Variants in SPON1 observed in about 807,000 individuals in gnomAD.
SPON1 encodes spondin-1.
SPON1 carries 52 observed loss-of-function variants against 111.7 expected under a neutral mutation model. The observed-to-expected ratio is 0.47, with a 90% confidence interval of 0.37 to 0.59. SPON1 has a LOEUF of 0.59. Ranked by LOEUF, SPON1 falls within the 20% of genes least tolerant of loss-of-function variation. The probability of loss-of-function intolerance (pLI) is 0.00; values close to 1 mark genes in which losing one functional copy is unlikely to be tolerated. For synonymous variants in SPON1, 410 were observed against 395.8 expected, an observed-to-expected ratio of 1.04 and a Z score of -0.43; for missense variants, 957 against 1,068.5, an observed-to-expected ratio of 0.90 and a Z score of 1.46.
At chr11:14,164,226 T>G (rs1366676343) in intron 6 of SPON1, among the ~76,000 whole-genome samples, 5 of 152,180 alleles carry the variant, frequency 3.3e-5, no homozygotes, top group African/African-American at 1.2e-4. Context: ...TGGCAGAAAC[T>G]CACGGGAAGT....
chr11:14,002,546 G>A (rs1304920017), intron 2 of SPON1, among the ~76,000 whole-genome samples: 5 of 152,192 alleles, frequency 3.3e-5, no homozygotes, highest in African/African-American at 9.7e-5. Context: ...AGTGCAGGAG[G>A]AATGTGGTAG....
intron 5 of SPON1, among the ~76,000 whole-genome samples, chr11:14,099,323 T>C (rs1849125921): frequency 6.6e-6 from 1 of 152,258 alleles, no homozygotes; most frequent in African/African-American, 2.4e-5. Context: ...ATGCTGTTGG[T>C]AATTTACACA....
At chr11:14,091,367 G>A (rs1302212227) in intron 5 of SPON1, among the ~76,000 whole-genome samples, 3 of 152,356 alleles carry the variant, frequency 2.0e-5, no homozygotes, top group Admixed American at 6.5e-5. Context: ...ACTGGGCGCC[G>A]TGGAGCAGGG....
chr11:14,139,725 T>TATATATATATATATATATATATATA (rs1564913657), intron 6 of SPON1, among the ~76,000 whole-genome samples: 2 of 150,730 alleles, frequency 1.3e-5, no homozygotes, highest in African/African-American at 4.9e-5. Flanking sequence ...TATATATATA[T>TATATATATATATATATATATATATA]TTAAGTGAAA....
At chr11:14,234,860 T>C (rs1250631638) in intron 6 of SPON1, among the ~76,000 whole-genome samples, 1 of 152,266 alleles carries the variant, frequency 6.6e-6, no homozygotes, top group Non-Finnish European at 1.5e-5. Flanking sequence ...AAACGCATCA[T>C]CTTCTAGTGG....
intron 6 of SPON1, among the ~76,000 whole-genome samples, chr11:14,231,013 C>T (rs1270656553): frequency 6.6e-6 from 1 of 152,088 alleles, no homozygotes; most frequent in African/African-American, 2.4e-5. Flanking sequence ...AAGTCTCACT[C>T]TGTTGCCCAG....
At chr11:14,014,362 C>G (rs1554914072) in intron 2 of SPON1, among the ~76,000 whole-genome samples, 1 of 152,216 alleles carries the variant, frequency 6.6e-6, no homozygotes, top group Non-Finnish European at 1.5e-5. Context: ...TAGCATTTTA[C>G]AAGTCAGAAT....
At chr11:14,047,176 G>A (rs1482711485) in intron 3 of SPON1, among the ~76,000 whole-genome samples, 1 of 151,850 alleles carries the variant, frequency 6.6e-6, no homozygotes, top group East Asian at 1.9e-4. Context: ...TCTTTTTTAT[G>A]TTTTACTTTA....
rs73418490 is a variant in SPON1, at chr11:13,978,157, G to A, written c.239-4690G>A. On this transcript the variant is annotated intron_variant, in intron 1 of 15. Coordinates refer to ENST00000576479, the MANE Select transcript of SPON1 (RefSeq NM_006108.4). ...GTCCACTGGCTTAGTTTCTGTAGCT[G>A]TGTAAGTCTTGATATCTGGGAGTAT... Among the ~76,000 whole-genome samples the A allele has an allele frequency of 8.7e-3, 1,331 of 152,260 alleles. 17 individuals are homozygous for A. Among genetic ancestry groups the A allele is most frequent in the African/African-American group, 0.031 (1,296 of 41,544 alleles).
intron 5 of SPON1, among the ~76,000 whole-genome samples, chr11:14,121,574 G>C (rs1028758057): frequency 6.6e-6 from 1 of 152,160 alleles, no homozygotes; most frequent in South Asian, 2.1e-4. Flanking sequence ...AGCATTGATG[G>C]AAGATTTTTT....
chr11:14,035,043 G>C (rs113543400), intron 2 of SPON1, among the ~76,000 whole-genome samples: 1,609 of 152,314 alleles, frequency 0.011, 38 homozygotes, highest in African/African-American at 0.035. Flanking sequence ...CTGCAGAAGA[G>C]AGTCTAAGAA....
chr11:13,996,711 G>GTGTATATATATATATATATA (rs535844829), intron 2 of SPON1, among the ~76,000 whole-genome samples: 10 of 145,140 alleles, frequency 6.9e-5, no homozygotes, highest in African/African-American at 2.8e-4. Context: ...ACCTATGTGT[G>GTGTATATATATATATATATA]TATATATATA....
chr11:14,037,315 T>C (rs1554916757), intron 2 of SPON1, among the ~76,000 whole-genome samples: 1 of 152,002 alleles, frequency 6.6e-6, no homozygotes, highest in Non-Finnish European at 1.5e-5. Context: ...AGTAAGGAGA[T>C]AATTGTTAGA....
chr11:14,011,265 T>A (rs1848402539), intron 2 of SPON1, among the ~76,000 whole-genome samples: 2 of 152,208 alleles, frequency 1.3e-5, no homozygotes, highest in African/African-American at 4.8e-5. Flanking sequence ...ATTCAAATTT[T>A]AGCAAATTTT....
At chr11:14,070,995 G>A (rs1305065405) in intron 3 of SPON1, among the ~76,000 whole-genome samples, 1 of 152,102 alleles carries the variant, frequency 6.6e-6, no homozygotes, top group Non-Finnish European at 1.5e-5. Context: ...TCCTTAACAT[G>A]CTCTCTTATG....
In SPON1 at chr11:13,962,812, C is replaced by T; in HGVS notation, c.-93C>T. 2.5e-6 allele frequency: 3 copies of T among 1,209,770 alleles called. No homozygotes were observed. Among genetic ancestry groups the T allele is most frequent in the South Asian group, 1.7e-5 (1 of 57,188 alleles). 74.9% of individuals were successfully genotyped at this position (1,209,770 alleles called of 1,614,324 possible). A position where few individuals can be genotyped will look rare whatever the true frequency, so the allele number is the denominator to read the frequency against. ...CTCCGAGCTCCCTCTCTCCGCCGCG[C>T]CTCCGCCAGGTCGCGCCTTCGTCGG... On this transcript the variant is annotated 5_prime_UTR_variant, in exon 1 of 16. Transcript: ENST00000576479.
intron 1 of SPON1, among the ~76,000 whole-genome samples, chr11:13,969,402 G>A (rs2133773508): frequency 6.6e-6 from 1 of 152,114 alleles, no homozygotes; most frequent in South Asian, 2.1e-4. Context: ...GGGAAAAAGA[G>A]CAGAGGCAGG....
chr11:14,022,775 A>C (rs1342922783), intron 2 of SPON1, among the ~76,000 whole-genome samples: 1 of 152,248 alleles, frequency 6.6e-6, no homozygotes, highest in Non-Finnish European at 1.5e-5. Context: ...AGGGAAGAGA[A>C]GGCAATGTTT....
intron 3 of SPON1, among the ~76,000 whole-genome samples, chr11:14,069,104 T>C (rs1848855376): frequency 6.6e-6 from 1 of 152,168 alleles, no homozygotes; most frequent in Admixed American, 6.5e-5. Flanking sequence ...TATTTCTTTC[T>C]AATCCCCCTG....
Sources: allele counts gnomAD v4.1 joint callset (sites outside exome capture counted in the v4.1 genomes callset), GRCh38; gene constraint gnomAD v4.1.1; transcripts MANE v1.5; gene names NCBI Gene and HGNC (gene_info 2026-07-23, HGNC 2026-07-21).